ITGA11: variants seen among roughly 807,000 people sequenced by gnomAD.
ITGA11 encodes the protein integrin subunit alpha 11.
In ITGA11, 97 loss-of-function variants were observed where a neutral mutation model predicts 141.9. The ratio of observed to expected loss-of-function variants is 0.68; its 90% CI spans 0.58 to 0.81. ITGA11 has a LOEUF of 0.81. Ranked by LOEUF, ITGA11 falls within the 30% of genes least tolerant of loss-of-function variation. The pLI is 0.00. For synonymous variants in ITGA11, 658 were observed against 624.6 expected (o/e 1.05, Z -0.80); for missense variants, 1,387 against 1,559.2 (o/e 0.89, Z 1.86).
rs1006718795 is a variant in ITGA11 at position 68,332,270 on chromosome 15, G to A, written c.1566+68C>T. On this transcript the variant is annotated intron_variant, in intron 13 of 29. Transcript: ENST00000315757. ...GCCTCGCTAGTAACGCATTTCCGTC[G>A]TGGCTACCCAAGTCAAAGCAGAGGT... The A allele has an allele frequency of 3.5e-5, 53 of 1,523,366 alleles. No homozygotes were observed. The East Asian group carries it at 4.1e-4, about 12-fold the overall frequency. 94.4% of individuals were successfully genotyped at this position (1,523,366 alleles called of 1,614,324 possible). A position where few individuals can be genotyped will look rare whatever the true frequency, so the allele number is the denominator to read the frequency against.
chr15:68,332,963 A>T (rs905243888), intron 12 of ITGA11, among the ~76,000 whole-genome samples: 2 of 152,130 alleles, frequency 1.3e-5, no homozygotes, highest in Admixed American at 6.5e-5. Flanking sequence ...TTATATACTG[A>T]TTTTTAAATA....
rs371530224 is a variant in ITGA11 at position 68,332,370 on chromosome 15, G to A, written c.1534C>T (p.Arg512Ter). 154 of 1,608,620 alleles carry A rather than the reference G, an allele frequency of 9.6e-5. No homozygotes were observed. Among genetic ancestry groups the A allele is most frequent in the Non-Finnish European group, 1.3e-4 (150 of 1,178,028 alleles). Residue 512 changes from arginine (R) to a stop codon, truncating the protein, a stop_gained, in exon 13 of 30, where the codon CGA becomes TGA. Transcript: ENST00000315757. LOFTEE classifies it high-confidence loss of function. ...AGCTCATAGACGTACACCTTGCCTC[G>A]CTCACGGCCCTCGTTGAAGTACATG... ...APMYFNEGRE[R>*]GKVYVYELRQ...
chr15:68,428,361 G>A (rs1050646934), intron 1 of ITGA11, among the ~76,000 whole-genome samples: 3 of 152,176 alleles, frequency 2.0e-5, no homozygotes, highest in Non-Finnish European at 2.9e-5. Context: ...AGAGGGCAAG[G>A]TTGAGAGGTA....
chr15:68,350,374 G>GA, intron 9 of ITGA11, among the ~76,000 whole-genome samples: 1 of 114,826 alleles, frequency 8.7e-6, no homozygotes, highest in African/African-American at 6.1e-5. Flanking sequence ...TTTTTTTAAA[G>GA]AGACGAGGTT....
intron 2 of ITGA11, among the ~76,000 whole-genome samples, chr15:68,372,435 C>T (rs561697445): frequency 3.0e-4 from 46 of 152,326 alleles, no homozygotes; most frequent in African/African-American, 1.1e-3. Flanking sequence ...CCAGACGGCA[C>T]AGCAAACCCC....
chr15:68,340,972 G>A (rs1221506578), intron 10 of ITGA11: 1 of 152,210 alleles, frequency 6.6e-6, no homozygotes, highest in Non-Finnish European at 1.5e-5. Context: ...CAAAACACAG[G>A]CTGGTAAATC....
chr15:68,320,616 G>C (rs1012274695), intron 19 of ITGA11, among the ~76,000 whole-genome samples: 1 of 152,170 alleles, frequency 6.6e-6, no homozygotes, highest in Non-Finnish European at 1.5e-5. Context: ...CCACCATAGA[G>C]ATCATACCCT....
At chr15:68,376,796 G>A (rs1895739305) in intron 2 of ITGA11, among the ~76,000 whole-genome samples, 1 of 152,252 alleles carries the variant, frequency 6.6e-6, no homozygotes. Context: ...GTTTTGAGGG[G>A]CAGTGGTTTC....
chr15:68,402,835 C>T lies in ITGA11; in HGVS notation c.164+83G>A, dbSNP rs763471483. The T allele has an allele frequency of 2.2e-4, 200 of 912,638 alleles. 1 individual carries two copies. The highest frequency in any genetic ancestry group is 3.4e-4 in the Non-Finnish European group (195 of 578,394). The allele number at this position is 912,638 out of a possible 1,614,324, so 56.5% of individuals were successfully genotyped here. On this transcript the variant is annotated intron_variant, in intron 2 of 29. Transcript: ENST00000315757. ...AGTCTCCATGTGAGGGCCAGTGGGG[C>T]AGCCACAGGGCACAGGGGCAGGATG...
At chr15:68,425,738 G>A (rs898387822) in intron 1 of ITGA11, among the ~76,000 whole-genome samples, 2 of 152,210 alleles carry the variant, frequency 1.3e-5, no homozygotes, top group Admixed American at 6.5e-5. Context: ...GCCTTCCTGA[G>A]GCCCAGTCCT....
At chr15:68,347,316 C>T (rs888969861) in intron 10 of ITGA11, among the ~76,000 whole-genome samples, 4 of 152,198 alleles carry the variant, frequency 2.6e-5, no homozygotes, top group Admixed American at 1.3e-4. Context: ...ACAGAGAAGG[C>T]ACTGAAAAGA....
Position 68,311,289 on chromosome 15 carries a change from C to T in ITGA11, c.3087+1G>A. The stretch of plus-strand genomic sequence containing the variant: ...TAGCCGGCTCCCAAGGCCATCACCA[C>T]CTCGTCCGTGAGGAAGTCCCTCAGC... On this transcript the variant is annotated splice_donor_variant, in intron 25 of 29. Coordinates refer to ENST00000315757, the MANE Select transcript of ITGA11 (RefSeq NM_001004439.2). LOFTEE classifies it high-confidence loss of function. 6.4e-7 allele frequency: 1 copy of T among 1,559,172 alleles called. No homozygotes were observed. Among genetic ancestry groups the T allele is most frequent in the Non-Finnish European group, 8.7e-7 (1 of 1,149,426 alleles).
intron 10 of ITGA11, among the ~76,000 whole-genome samples, chr15:68,340,039 T>A (rs1468508879): frequency 6.6e-6 from 1 of 152,160 alleles, no homozygotes; most frequent in Non-Finnish European, 1.5e-5. Context: ...GCACTTGCCC[T>A]TCTTTAATAT....
In ITGA11 at chr15:68,361,597, A is replaced by G. The variant is rs2140348543; in HGVS notation, c.465T>C (p.Ala155=). 6.2e-7 allele frequency: 1 copy of G among 1,601,526 alleles called. No individual in the cohort carries two copies. Among genetic ancestry groups the G allele is most frequent in the East Asian group, 2.2e-5 (1 of 44,556 alleles). ...AGATTTGAAGCCACTTACTTTGGAGAGCTGGGGCCACGGTCTTGGAGAACC... is the reference window on the plus strand; with the variant it reads ...AGATTTGAAGCCACTTACTTTGGAGGGCTGGGGCCACGGTCTTGGAGAACC... ...NFRFSKTVAP[A]LQRCQTYMDI... The change falls in exon 5 of 30, where the codon GCT becomes GCC. Residue 155 remains alanine (A), a synonymous_variant. Transcript: ENST00000315757.
intron 21 of ITGA11, 21 bp from the exon 22 acceptor site, chr15:68,315,748 G>A (rs767803095): frequency 1.3e-6 from 2 of 1,592,884 alleles, no homozygotes; most frequent in South Asian, 1.1e-5. Context: ...GCAGTCGCAT[G>A]TCTGGGCATT....
chr15:68,386,432 G>A (rs1463302436), intron 2 of ITGA11, among the ~76,000 whole-genome samples: 2 of 152,178 alleles, frequency 1.3e-5, no homozygotes, highest in Non-Finnish European at 2.9e-5. Flanking sequence ...TTAAGTTGCT[G>A]CAAAATAATC....
At chr15:68,320,984 C>T (rs962320778) in intron 19 of ITGA11, among the ~76,000 whole-genome samples, 36 of 152,192 alleles carry the variant, frequency 2.4e-4, no homozygotes, top group African/African-American at 8.4e-4. Context: ...AGGTCCCCTG[C>T]TCACCCTCGG....
At chr15:68,347,921 T>TACACAC (rs59472483) in intron 10 of ITGA11, among the ~76,000 whole-genome samples, 48 of 150,968 alleles carry the variant, frequency 3.2e-4, no homozygotes, top group Non-Finnish European at 5.9e-4. Context: ...AGAACACACA[T>TACACAC]ACACACACAC....
chr15:68,355,270 T>G (rs947266107), intron 7 of ITGA11, among the ~76,000 whole-genome samples: 1 of 152,118 alleles, frequency 6.6e-6, no homozygotes, highest in Admixed American at 6.5e-5. Context: ...TGAGGATGAG[T>G]AAGACAGCCA....
Sources: gnomAD v4.1 joint callset for allele counts (sites outside exome capture counted in the v4.1 genomes callset) on GRCh38, gnomAD v4.1.1 for gene constraint, MANE v1.5 for transcripts, NCBI Gene and HGNC (gene_info 2026-07-23, HGNC 2026-07-21) for gene names.